The following TNFSF4 variants were observed in gnomAD, a reference collection of about 807,000 sequenced individuals.
The protein encoded by TNFSF4 is TNF superfamily member 4.
In TNFSF4, 4 loss-of-function variants were observed where a neutral mutation model predicts 7.3. That is an observed-to-expected ratio of 0.55 (90% CI 0.27 to 1.25). The LOEUF is 1.25. TNFSF4 is among the 50% of genes most tolerant of loss of function. TNFSF4 has a pLI of 0.12. For synonymous variants in TNFSF4, 76 were observed against 83.7 expected (o/e 0.91, Z 0.50); for missense variants, 181 against 208.8 (o/e 0.87, Z 0.82).
chr1:173,306,580 C>T, the TNFSF4 span, among the ~76,000 whole-genome samples: 1 of 151,914 alleles, frequency 6.6e-6, no homozygotes, highest in Non-Finnish European at 1.5e-5. Context: ...TCACAGATGA[C>T]CTCCATCACT....
At chr1:173,374,945 C>G in the TNFSF4 span, among the ~76,000 whole-genome samples, 1 of 152,182 alleles carries the variant, frequency 6.6e-6, no homozygotes, top group Non-Finnish European at 1.5e-5. Flanking sequence ...TAGGATTTCT[C>G]AGTTTGCAAG....
chr1:173,450,267 A>G, the TNFSF4 span, among the ~76,000 whole-genome samples: 1 of 152,188 alleles, frequency 6.6e-6, no homozygotes, highest in Non-Finnish European at 1.5e-5. Flanking sequence ...ATATGTATGT[A>G]TAACTTTTAA....
the TNFSF4 span, among the ~76,000 whole-genome samples, chr1:173,248,936 G>A: frequency 6.6e-6 from 1 of 152,132 alleles, no homozygotes; most frequent in East Asian, 1.9e-4. Flanking sequence ...GGGATTTTAA[G>A]TAAGAACATG....
At chr1:173,439,684 C>T in the TNFSF4 span, among the ~76,000 whole-genome samples, 1 of 152,158 alleles carries the variant, frequency 6.6e-6, no homozygotes, top group Non-Finnish European at 1.5e-5. Flanking sequence ...GTCAGTGACA[C>T]CAGGGACACA....
At chr1:173,244,742 G>A in the TNFSF4 span, among the ~76,000 whole-genome samples, 42 of 151,164 alleles carry the variant, frequency 2.8e-4, no homozygotes, top group Admixed American at 7.2e-4. Flanking sequence ...GTTCACAGCC[G>A]CGCAAATGAC....
chr1:173,329,472 T>C, the TNFSF4 span, among the ~76,000 whole-genome samples: 1 of 152,094 alleles, frequency 6.6e-6, no homozygotes, highest in Admixed American at 6.5e-5. Flanking sequence ...GCAAAGCCCA[T>C]GGTTAAGGAG....
chr1:173,446,741 A>G, the TNFSF4 span, among the ~76,000 whole-genome samples: 1 of 152,156 alleles, frequency 6.6e-6, no homozygotes, highest in Admixed American at 6.6e-5. Context: ...GCCCTCAAAC[A>G]ATAAATTCCA....
chr1:173,224,899 T>A, the TNFSF4 span, among the ~76,000 whole-genome samples: 2 of 152,306 alleles, frequency 1.3e-5, no homozygotes, highest in African/African-American at 4.8e-5. Context: ...CTGTCCACCA[T>A]GTTTTTTGCC....
At chr1:173,279,367 A>G in the TNFSF4 span, among the ~76,000 whole-genome samples, 1 of 151,966 alleles carries the variant, frequency 6.6e-6, no homozygotes, top group East Asian at 1.9e-4. Flanking sequence ...TTGTCTCCCT[A>G]AATGTTAATT....
At chr1:173,360,128 G>T in the TNFSF4 span, among the ~76,000 whole-genome samples, 3 of 152,236 alleles carry the variant, frequency 2.0e-5, no homozygotes, top group Non-Finnish European at 4.4e-5. Context: ...TGATAACACA[G>T]ACTCAGTTCA....
the TNFSF4 span, among the ~76,000 whole-genome samples, chr1:173,341,656 T>C: frequency 6.6e-6 from 1 of 152,218 alleles, no homozygotes; most frequent in African/African-American, 2.4e-5. Flanking sequence ...GACATTACAA[T>C]ACTTTCACAG....
chr1:173,184,963 A>T lies in TNFSF4; in HGVS notation c.*1553T>A, dbSNP rs1285814666. 6.6e-6 allele frequency: 1 copy of T among 152,194 alleles called. No individual in the cohort carries two copies. The highest frequency in any genetic ancestry group is 1.9e-4 in the East Asian group (1 of 5,202). The allele number at this position is 152,194 out of a possible 1,614,324, so 9.4% of individuals were successfully genotyped here. A position where few individuals can be genotyped will look rare whatever the true frequency, so the allele number is the denominator to read the frequency against. ...TATTTACCTTCCTTCATAACAGATT[A>T]AAATAGAGGGATGGGAATATAGTTG... On this transcript the variant is annotated 3_prime_UTR_variant, in exon 3 of 3. Coordinates refer to ENST00000281834, the MANE Select transcript of TNFSF4 (RefSeq NM_003326.5).
the TNFSF4 span, among the ~76,000 whole-genome samples, chr1:173,352,981 A>T: frequency 6.6e-6 from 1 of 152,196 alleles, no homozygotes; most frequent in Admixed American, 6.5e-5. Flanking sequence ...CAATAAGAGA[A>T]ATATGGCTCT....
the TNFSF4 span, among the ~76,000 whole-genome samples, chr1:173,331,550 C>A: frequency 2.5e-4 from 38 of 152,198 alleles, no homozygotes; most frequent in Non-Finnish European, 4.7e-4. Flanking sequence ...TAAGAGCCAA[C>A]ACATGAAAAG....
the TNFSF4 span, among the ~76,000 whole-genome samples, chr1:173,411,499 T>A: frequency 6.6e-6 from 1 of 152,194 alleles, no homozygotes; most frequent in East Asian, 1.9e-4. Context: ...CAATAAAATA[T>A]TTGATCAAGA....
chr1:173,342,354 G>C, the TNFSF4 span, among the ~76,000 whole-genome samples: 11 of 152,238 alleles, frequency 7.2e-5, no homozygotes, highest in African/African-American at 2.4e-4. Flanking sequence ...CTGCCCAGTG[G>C]ATGTTCCCAG....
chr1:173,289,706 G>A, the TNFSF4 span, among the ~76,000 whole-genome samples: 1 of 152,000 alleles, frequency 6.6e-6, no homozygotes, highest in African/African-American at 2.4e-5. Context: ...AAGAATTAAT[G>A]GGAATTCAAC....
At chr1:173,370,192 G>A in the TNFSF4 span, among the ~76,000 whole-genome samples, 1 of 152,172 alleles carries the variant, frequency 6.6e-6, no homozygotes, top group Non-Finnish European at 1.5e-5. Context: ...AGGGTCTAGG[G>A]CAAACCTTCA....
the TNFSF4 span, among the ~76,000 whole-genome samples, chr1:173,280,043 T>C: frequency 6.6e-6 from 1 of 152,114 alleles, no homozygotes; most frequent in African/African-American, 2.4e-5. Context: ...TTTCAGTCTT[T>C]CCTCTGTTTT....
Sources: allele counts gnomAD v4.1 joint callset (sites outside exome capture counted in the v4.1 genomes callset), GRCh38; gene constraint gnomAD v4.1.1; transcripts MANE v1.5; gene names NCBI Gene and HGNC (gene_info 2026-07-23, HGNC 2026-07-21).